Variants in PKD2L2 observed in about 807,000 individuals in gnomAD.
PKD2L2 encodes polycystin-2-like protein 2.
Under a neutral mutation model 83.9 loss-of-function variants are expected in PKD2L2, and 67 were observed. The observed-to-expected ratio is 0.80, with a 90% CI of 0.66 to 0.98. The LOEUF (loss-of-function observed/expected upper bound fraction) is 0.98, where lower values mean the gene tolerates loss of function less well. Among genes scored for constraint, PKD2L2 ranks in the 50% least tolerant of loss-of-function variants. The probability of loss-of-function intolerance (pLI) is 0.00; values close to 1 mark genes in which losing one functional copy is unlikely to be tolerated. For missense variants in PKD2L2, 632 were observed against 717.2 expected (o/e 0.88, Z 1.36); for synonymous variants, 223 against 237.8 (o/e 0.94, Z 0.57).
intron 5 of PKD2L2, among the ~76,000 whole-genome samples, chr5:137,903,671 AC>A (rs1757138344): frequency 6.6e-6 from 1 of 152,234 alleles, no homozygotes; most frequent in African/African-American, 2.4e-5. Context: ...TATGTAATCT[AC>A]ATGTTCCTAA....
chr5:137,889,694 A>G (rs2149993332), intron 1 of PKD2L2, among the ~76,000 whole-genome samples, 172 bp downstream of exon 1: 1 of 152,344 alleles, frequency 6.6e-6, no homozygotes, highest in Non-Finnish European at 1.5e-5. Flanking sequence ...CATTGCACAG[A>G]CGGGAAAACT....
chr5:137,937,382 A>AT (rs1486975670), intron 14 of PKD2L2, among the ~76,000 whole-genome samples: 1 of 152,222 alleles, frequency 6.6e-6, no homozygotes, highest in Non-Finnish European at 1.5e-5. Flanking sequence ...TATCACTGTC[A>AT]TAAGTTATGT....
chr5:137,903,197 A>G (rs1344762151), intron 5 of PKD2L2, among the ~76,000 whole-genome samples: 1 of 152,154 alleles, frequency 6.6e-6, no homozygotes, highest in Non-Finnish European at 1.5e-5. Flanking sequence ...TCTGGGTCCA[A>G]GTTAGCCCAG....
chr5:137,900,072 A>G (rs1432121367), intron 5 of PKD2L2, among the ~76,000 whole-genome samples: 1 of 152,238 alleles, frequency 6.6e-6, no homozygotes, highest in Non-Finnish European at 1.5e-5. Context: ...AAATTTGCCA[A>G]AACTTATGCA....
rs1018865865 is a variant in PKD2L2, at chr5:137,919,897, C to T, written c.1329-1739C>T. Among the ~76,000 whole-genome samples the T allele has an allele frequency of 3.3e-5, 5 of 152,166 alleles. No individual in the cohort carries two copies. The South Asian group carries it at 6.2e-4, about 19-fold the overall frequency. ...TTTCTCCCTTTTCACTGACCAATTA[C>T]GCAGTTATCAACATACGATTAAACA... On this transcript the variant is annotated intron_variant, in intron 8 of 14. Transcript: ENST00000508883.
At chr5:137,905,203 T>C (rs1171909631) in intron 5 of PKD2L2, among the ~76,000 whole-genome samples, 2 of 152,226 alleles carry the variant, frequency 1.3e-5, no homozygotes, top group Non-Finnish European at 2.9e-5. Flanking sequence ...AATGTTATTT[T>C]TTAGAAACTT....
In PKD2L2 at chr5:137,921,732, CTTTT is replaced by C. The variant is rs754026213; in HGVS notation, c.1428_1431del (p.Phe476LeufsTer7). The C allele has an allele frequency of 1.2e-6, 2 of 1,607,756 alleles. No individual in the cohort carries two copies. The highest frequency in any genetic ancestry group is 1.7e-6 in the Non-Finnish European group (2 of 1,175,724). ...GACCCATTTACTTCATCACTTTCATCTTTTTTGTGTTCTTTGTCCTGCTGGTAAG... is the reference window on the plus strand; with the variant it reads ...GACCCATTTACTTCATCACTTTCATCTTGTGTTCTTTGTCCTGCTGGTAAG... On this transcript the variant is annotated frameshift_variant, in exon 9 of 15. Coordinates refer to ENST00000508883, the MANE Select transcript of PKD2L2 (RefSeq NM_001300921.2). LOFTEE classifies it high-confidence loss of function.
chr5:137,940,219 C>G lies in PKD2L2; in HGVS notation c.*18-2165C>G, dbSNP rs369454923. ...CTTTATGATATGAATTTTCAAGGAA[C>G]GTATCTTATATGGATTTTGAAGAAT... is the stretch of plus-strand genomic sequence containing the variant. On this transcript the variant is annotated intron_variant, in intron 14 of 14. Coordinates refer to ENST00000508883, the MANE Select transcript of PKD2L2 (RefSeq NM_001300921.2). The G allele has an allele frequency of 8.1e-6, 13 of 1,613,856 alleles. No individual in the cohort carries two copies. In the African/African-American group the frequency reaches 1.6e-4, roughly 20 times the overall value.
chr5:137,891,976 G>A (rs930919725), intron 2 of PKD2L2, among the ~76,000 whole-genome samples: 5 of 152,096 alleles, frequency 3.3e-5, no homozygotes, highest in Non-Finnish European at 2.9e-5. Context: ...GCAACACCAC[G>A]CCCCGCCACT....
At chr5:137,936,299 A>C (rs1406116847) in intron 13 of PKD2L2, 21 bp from the exon 14 acceptor site, 1 of 1,521,202 alleles carries the variant, frequency 6.6e-7, no homozygotes, top group Admixed American at 2.0e-5. Context: ...CTCATTCTCT[A>C]CTTCCTTCGA....
At chr5:137,916,027 TTTTTTTTC>T (rs1165639471) in intron 8 of PKD2L2, among the ~76,000 whole-genome samples, 1 of 63,560 alleles carries the variant, frequency 1.6e-5, no homozygotes, top group African/African-American at 4.1e-5. Flanking sequence ...TACACACATT[TTTTTTTTC>T]TTTTTTCTTT....
intron 12 of PKD2L2, among the ~76,000 whole-genome samples, chr5:137,931,258 C>G (rs1008705931): frequency 6.6e-6 from 1 of 152,134 alleles, no homozygotes; most frequent in African/African-American, 2.4e-5. Flanking sequence ...GGAAATTCTA[C>G]AAGATTTTAA....
chr5:137,936,515 G>C, intron 14 of PKD2L2, 88 bp downstream of exon 14: 1 of 1,087,840 alleles, frequency 9.2e-7, no homozygotes, highest in East Asian at 2.9e-5. Flanking sequence ...GAGTGCAGTG[G>C]CGTGGTCTCG....
At chr5:137,893,855 T>C (rs576798883) in intron 3 of PKD2L2, among the ~76,000 whole-genome samples, 2 of 152,150 alleles carry the variant, frequency 1.3e-5, no homozygotes, top group African/African-American at 4.8e-5. Context: ...TTATTGTGTT[T>C]TCTGAAGCAT....
At chr5:137,896,242 T>C (rs1166173041) in intron 4 of PKD2L2, among the ~76,000 whole-genome samples, 1 of 152,162 alleles carries the variant, frequency 6.6e-6, no homozygotes, top group East Asian at 1.9e-4. Flanking sequence ...ATTAAAGTGA[T>C]ACAAATATCT....
chr5:137,922,226 A>G lies in PKD2L2; in HGVS notation c.1449+470A>G, dbSNP rs552679247. 1.9e-3 allele frequency among the ~76,000 whole-genome samples: 292 copies of G among 152,318 alleles called. 2 individuals carry two copies. The highest frequency in any genetic ancestry group is 3.4e-3 in the Non-Finnish European group (232 of 68,020). On this transcript the variant is annotated intron_variant, in intron 9 of 14. Coordinates refer to ENST00000508883, the MANE Select transcript of PKD2L2 (RefSeq NM_001300921.2). The stretch of plus-strand genomic sequence containing the variant: ...CTTGCCTTTCTAGTTAAGGCACTGT[A>G]CTGTCCTCCATGAAAACACTTTTTG...
chr5:137,900,994 G>A (rs142572903), intron 5 of PKD2L2, among the ~76,000 whole-genome samples: 25 of 152,118 alleles, frequency 1.6e-4, no homozygotes, highest in South Asian at 6.2e-4. Flanking sequence ...AAAATTAGCC[G>A]GGCGTGGTGG....
At chr5:137,919,652 CTATCTTATG>C (rs1218862794) in intron 8 of PKD2L2, among the ~76,000 whole-genome samples, 1 of 152,056 alleles carries the variant, frequency 6.6e-6, no homozygotes, top group Non-Finnish European at 1.5e-5. Flanking sequence ...AGTATTTTCT[CTATCTTATG>C]TAGGAAAGCA....
Position 137,942,283 on chromosome 5 carries a change from G to A in PKD2L2, c.*18-101G>A, listed in dbSNP as rs540980411. On this transcript the variant is annotated intron_variant, in intron 14 of 14. Coordinates refer to ENST00000508883, the MANE Select transcript of PKD2L2 (RefSeq NM_001300921.2). Reference sequence around the variant, plus strand: ...GTGACATACACCATATCATCCAAAGGTAAAGAAGTGGATATAGAACAAAAA... The same window carrying A: ...GTGACATACACCATATCATCCAAAGATAAAGAAGTGGATATAGAACAAAAA... 407 of 493,906 alleles carry A rather than the reference G, an allele frequency of 8.2e-4. 3 individuals carry two copies. The South Asian group carries it at 0.012, about 15-fold the overall frequency. The allele number at this position is 493,906 out of a possible 1,614,324, so 30.6% of individuals were successfully genotyped here. A position where few individuals can be genotyped will look rare whatever the true frequency, so the allele number is the denominator to read the frequency against.
Sources: gnomAD v4.1 joint callset for allele counts (sites outside exome capture counted in the v4.1 genomes callset) on GRCh38, gnomAD v4.1.1 for gene constraint, MANE v1.5 for transcripts, NCBI Gene and HGNC (gene_info 2026-07-23, HGNC 2026-07-21) for gene names.